The following TEF variants were observed in gnomAD, a reference collection of about 807,000 sequenced individuals.
The protein encoded by TEF is TEF transcription factor, PAR bZIP family member.
Under a neutral mutation model 20.8 loss-of-function variants are expected in TEF, and 3 were observed. That is an observed-to-expected ratio of 0.14 (90% CI 0.07 to 0.37). The LOEUF is 0.37. TEF is among the 10% of genes least tolerant of loss of function. The pLI is 1.00. For synonymous variants in TEF, 180 were observed against 171.1 expected, an observed-to-expected ratio of 1.05 and a Z score of -0.41; for missense variants, 296 against 397.9, an observed-to-expected ratio of 0.74 and a Z score of 2.18.
chr22:41,392,392 G>C (rs561028434), intron 2 of TEF, among the ~76,000 whole-genome samples: 33 of 151,800 alleles, frequency 2.2e-4, no homozygotes, highest in Admixed American at 3.3e-4. Flanking sequence ...AAGACTAAAT[G>C]GGGCCGGGCG....
chr22:41,392,372 TA>T (rs1386565361), intron 2 of TEF, among the ~76,000 whole-genome samples: 5 of 152,010 alleles, frequency 3.3e-5, no homozygotes, highest in African/African-American at 7.2e-5. Flanking sequence ...ATCTGTAAAC[TA>T]GTTGTCATAA....
chr22:41,379,921 G>T (rs1187278222), upstream of TEF, among the ~76,000 whole-genome samples: 1 of 131,662 alleles, frequency 7.6e-6, no homozygotes, highest in Admixed American at 8.5e-5. Context: ...AAAAAGAAAA[G>T]AAAAGAAAAG....
chr22:41,387,436 C>T lies in TEF; in HGVS notation c.243C>T (p.Pro81=), dbSNP rs769572674. ...TMAVSASLMP[P]IWDKTIPYDG... ...CTGTCTCAGCCTCCCTCATGCCACC[C>T]ATCTGGGACAAGACCATCCCATATG... Residue 81 remains proline (P), a synonymous_variant, in exon 2 of 4, where the codon CCC becomes CCT. Transcript: ENST00000266304. 1 of 1,614,228 alleles carries T rather than the reference C, an allele frequency of 6.2e-7. No homozygotes were observed. The highest frequency in any genetic ancestry group is 2.2e-5 in the East Asian group (1 of 44,890).
chr22:41,394,050 C>T, intron 2 of TEF, 46 bp from the exon 3 acceptor site: 5 of 1,579,294 alleles, frequency 3.2e-6, no homozygotes, highest in Non-Finnish European at 4.3e-6. Context: ...TGGGTCTTCT[C>T]TGTCCAGTGG....
intron 2 of TEF, among the ~76,000 whole-genome samples, chr22:41,392,692 AAAG>A: frequency 6.6e-6 from 1 of 150,584 alleles, no homozygotes; most frequent in African/African-American, 2.4e-5. Context: ...AAAAAAAAAA[AAAG>A]ACTAAGTGAC....
chr22:41,373,614 C>T (rs574116730), intron 1 of TEF, among the ~76,000 whole-genome samples: 52 of 151,976 alleles, frequency 3.4e-4, no homozygotes, highest in African/African-American at 1.1e-3. Context: ...GGATTATGGG[C>T]GCCCACCACC....
intron 2 of TEF, among the ~76,000 whole-genome samples, chr22:41,391,857 G>A (rs1384395355): frequency 6.6e-6 from 1 of 152,108 alleles, no homozygotes; most frequent in Non-Finnish European, 1.5e-5. Flanking sequence ...TCTTGACCTC[G>A]TGATCCACAC....
intron 1 of TEF, among the ~76,000 whole-genome samples, chr22:41,382,718 G>T (rs971278934): frequency 6.6e-6 from 1 of 152,090 alleles, no homozygotes; most frequent in Admixed American, 6.6e-5. Context: ...CTCCCTGGGT[G>T]TGAGTAGCGC....
At chr22:41,380,859 G>GT (rs1239568491), upstream of TEF, among the ~76,000 whole-genome samples, 1 of 152,196 alleles carries the variant, frequency 6.6e-6, no homozygotes, top group Non-Finnish European at 1.5e-5. Context: ...TGTCAAGGAG[G>GT]TTTTTGTTTT....
chr22:41,370,084 CCT>C (rs1020270221), intron 1 of TEF: 18 of 985,068 alleles, frequency 1.8e-5, no homozygotes, highest in Non-Finnish European at 2.0e-5. Context: ...CTCCGTGCAG[CCT>C]CTCACTCCAC....
upstream of TEF, chr22:41,381,815 C>T: frequency 8.8e-7 from 1 of 1,130,784 alleles, no homozygotes; most frequent in Non-Finnish European, 1.1e-6. Flanking sequence ...GCCCCTCTCG[C>T]AGGCTGGACC....
upstream of TEF, chr22:41,381,859 G>A: frequency 8.2e-7 from 1 of 1,219,214 alleles, no homozygotes; most frequent in Non-Finnish European, 1.0e-6. Flanking sequence ...AGCTGGCCTG[G>A]CCTCATGAAT....
intron 2 of TEF, among the ~76,000 whole-genome samples, chr22:41,392,432 T>C (rs1184313952): frequency 2.0e-5 from 3 of 151,934 alleles, no homozygotes; most frequent in Admixed American, 1.3e-4. Context: ...TCCCAGCACT[T>C]TGGGAGGCCG....
intron 1 of TEF, among the ~76,000 whole-genome samples, chr22:41,385,552 G>C (rs2037087909): frequency 6.6e-6 from 1 of 152,154 alleles, no homozygotes; most frequent in African/African-American, 2.4e-5. Context: ...GAACAGGACA[G>C]GGGAACACAG....
At chr22:41,370,053 GTGCTCTCCCCA>G (rs770500258) in intron 1 of TEF, 166 of 985,330 alleles carry the variant, frequency 1.7e-4, no homozygotes, top group Admixed American at 1.5e-3. Flanking sequence ...AACTCCAGGT[GTGCTCTCCCCA>G]TGCTCTCCGC....
chr22:41,381,204 C>T (rs2037013557), upstream of TEF, among the ~76,000 whole-genome samples: 2 of 152,246 alleles, frequency 1.3e-5, no homozygotes, highest in Non-Finnish European at 2.9e-5. Context: ...CTCAGGCGAC[C>T]TCTGGGTCGC....
chr22:41,387,905 G>A (rs1326930117), intron 2 of TEF, among the ~76,000 whole-genome samples: 1 of 149,480 alleles, frequency 6.7e-6, no homozygotes, highest in African/African-American at 2.5e-5. Flanking sequence ...TTGCTGTGCT[G>A]CAAACAGTCA....
At position 41,394,323 on chromosome 22, in the gene TEF, T is replaced by G. The variant is rs1166168431; in HGVS notation, c.696+7T>G. 1 of 1,611,284 alleles carries G rather than the reference T, an allele frequency of 6.2e-7. No homozygotes were observed. The highest frequency in any genetic ancestry group is 2.2e-5 in the East Asian group (1 of 44,836). On this transcript the variant is annotated splice_region_variant and intron_variant, in intron 3 of 3. Coordinates refer to ENST00000266304, the MANE Select transcript of TEF (RefSeq NM_003216.4). Reference sequence around the variant, plus strand: ...TGTCCCCGACGAGCAGAAGGTAACCTGGTATTCCTTATAAATAAAGATGCA... The same window carrying G: ...TGTCCCCGACGAGCAGAAGGTAACCGGGTATTCCTTATAAATAAAGATGCA...
At chr22:41,369,935 C>T (rs1178106312) in intron 1 of TEF, 8 of 985,304 alleles carry the variant, frequency 8.1e-6, no homozygotes, top group Non-Finnish European at 9.6e-6. Context: ...ATTTTCTCTT[C>T]TTTCTCCTGC....
Sources: allele counts gnomAD v4.1 joint callset (sites outside exome capture counted in the v4.1 genomes callset), GRCh38; gene constraint gnomAD v4.1.1; transcripts MANE v1.5; gene names NCBI Gene and HGNC (gene_info 2026-07-23, HGNC 2026-07-21).